Variants in MGAT4C observed in about 807,000 individuals in gnomAD.
The protein encoded by MGAT4C is alpha-1,3-mannosyl-glycoprotein 4-beta-N-acetylglucosaminyltransferase C.
MGAT4C carries 19 observed loss-of-function variants against 40.1 expected under a neutral mutation model. The observed-to-expected ratio is 0.47, with a 90% confidence interval of 0.33 to 0.70. MGAT4C has a LOEUF of 0.70. MGAT4C is among the 30% of genes least tolerant of loss of function. The pLI is 0.02. For missense variants in MGAT4C, 491 were observed against 563.2 expected (o/e 0.87, Z 1.30); for synonymous variants, 181 against 187.1 (o/e 0.97, Z 0.27).
rs574602012 is a variant in MGAT4C at position 86,505,027 on chromosome 12, T to C, written c.-228-69762A>G. On this transcript the variant is annotated intron_variant, in intron 2 of 7. Coordinates refer to the MGAT4C transcript ENST00000548651. ...AATTGCACAGAAGACCTAGCAAGTG[T>C]CACACACTCATTTCAATGTGTGGTT... 3.9e-5 allele frequency among the ~76,000 whole-genome samples: 6 copies of C among 152,286 alleles called. No homozygotes were observed. The South Asian group carries it at 1.2e-3, about 32-fold the overall frequency.
intron 1 of MGAT4C, among the ~76,000 whole-genome samples, chr12:86,132,948 A>G (rs899512179): frequency 2.6e-5 from 4 of 152,162 alleles, no homozygotes; most frequent in African/African-American, 7.2e-5. Context: ...ATATTGATGG[A>G]TTCAGTTTCT....
chr12:86,590,511 A>G (rs1375165370), intron 2 of MGAT4C, among the ~76,000 whole-genome samples: 1 of 152,006 alleles, frequency 6.6e-6, no homozygotes, highest in Non-Finnish European at 1.5e-5. Context: ...ATGGCAGTCA[A>G]TTTAATTCCA....
At chr12:86,263,985 T>C (rs1314245408) in intron 4 of MGAT4C, among the ~76,000 whole-genome samples, 1 of 152,208 alleles carries the variant, frequency 6.6e-6, no homozygotes, top group East Asian at 1.9e-4. Flanking sequence ...GAAGTGTCTA[T>C]TAATGTATTT....
chr12:86,405,379 C>A (rs1956444032), intron 3 of MGAT4C, among the ~76,000 whole-genome samples: 1 of 151,894 alleles, frequency 6.6e-6, no homozygotes, highest in Non-Finnish European at 1.5e-5. Flanking sequence ...AAATAAAATA[C>A]CACTTAGAAA....
At chr12:86,296,219 G>A (rs559461956) in intron 4 of MGAT4C, among the ~76,000 whole-genome samples, 4 of 149,552 alleles carry the variant, frequency 2.7e-5, no homozygotes, top group Non-Finnish European at 4.5e-5. Context: ...ACAGAGTGTC[G>A]ATTGGTGCAC....
chr12:86,527,640 T>A (rs567470858), intron 2 of MGAT4C, among the ~76,000 whole-genome samples: 2 of 152,370 alleles, frequency 1.3e-5, no homozygotes, highest in Non-Finnish European at 1.5e-5. Context: ...TGAATATCTT[T>A]CCATTTTTGG....
In MGAT4C at chr12:86,834,448, C is replaced by T. The variant is rs117888621; in HGVS notation, c.-262+4218G>A. 4.0e-3 allele frequency among the ~76,000 whole-genome samples: 607 copies of T among 151,878 alleles called. 1 individual carries two copies. The highest frequency in any genetic ancestry group is 0.017 in the Middle Eastern group (5 of 294). On this transcript the variant is annotated intron_variant, in intron 1 of 7. Transcript: ENST00000548651. ...AAGTAAATAACAGCAAACTCAACAT[C>T]GGGGTGGACCTGGATGTGGTGATGT... is the stretch of plus-strand genomic sequence containing the variant.
chr12:86,124,515 G>A (rs367936703), intron 1 of MGAT4C, among the ~76,000 whole-genome samples: 84 of 152,222 alleles, frequency 5.5e-4, no homozygotes, highest in African/African-American at 1.9e-3. Context: ...GGTTGGTTTG[G>A]TAAGTCCCAT....
At chr12:86,698,828 T>C (rs1410496228) in intron 2 of MGAT4C, among the ~76,000 whole-genome samples, 3 of 152,090 alleles carry the variant, frequency 2.0e-5, no homozygotes, top group African/African-American at 4.8e-5. Flanking sequence ...TCTAACAGAT[T>C]GCAGTCCCAG....
rs1187131764 is a variant in MGAT4C, at chr12:86,129,629, G to A, written c.-56-79906C>T. Among the ~76,000 whole-genome samples, 25 of 33,608 alleles carry A rather than the reference G, an allele frequency of 7.4e-4. 6 individuals carry two copies. The highest frequency in any genetic ancestry group is 5.3e-3 in the Admixed American group (12 of 2,274). The allele number at this position is 33,608 out of a possible 152,430, so 22.0% of individuals were successfully genotyped here. The stretch of plus-strand genomic sequence containing the variant: ...GGCTGGAGTGCAGTGGCGGGATCTC[G>A]GCTCACTGCAAGCTCCGCCTCCCGG... On this transcript the variant is annotated intron_variant, in intron 1 of 4. Transcript: ENST00000611864.
chr12:86,680,257 T>C (rs955346117), intron 2 of MGAT4C, among the ~76,000 whole-genome samples: 1 of 152,028 alleles, frequency 6.6e-6, no homozygotes. Flanking sequence ...TAGTAACATC[T>C]AGGTGGTTGA....
chr12:86,193,575 A>T (rs1889758095), intron 1 of MGAT4C, among the ~76,000 whole-genome samples: 2 of 151,914 alleles, frequency 1.3e-5, no homozygotes, highest in East Asian at 1.9e-4. Context: ...AATTCTCTCA[A>T]TTTTTTTGAT....
intron 2 of MGAT4C, among the ~76,000 whole-genome samples, chr12:86,489,192 T>C (rs987930543): frequency 1.3e-5 from 2 of 152,128 alleles, no homozygotes; most frequent in Admixed American, 6.6e-5. Flanking sequence ...CAGTGGCTGG[T>C]TGAGGCAACT....
intron 2 of MGAT4C, among the ~76,000 whole-genome samples, chr12:86,688,727 TGGGCTC>T (rs1420550005): frequency 1.3e-5 from 2 of 152,226 alleles, no homozygotes; most frequent in African/African-American, 4.8e-5. Flanking sequence ...GTTATTCTAA[TGGGCTC>T]CCCTTTATGG....
rs908127398 is a variant in MGAT4C at position 86,060,841 on chromosome 12, C to G, written c.-56-11118G>C. Among the ~76,000 whole-genome samples, 7 of 152,176 alleles carry G rather than the reference C, an allele frequency of 4.6e-5. No homozygotes were observed. In the South Asian group the frequency reaches 1.5e-3, roughly 32 times the overall value. On this transcript the variant is annotated intron_variant, in intron 1 of 4. Transcript: ENST00000611864. ...AAAACCCCGTGGTGGGCAGACATTTCTTGGTGCTCCTGGGGGACTGAGCTG... is the reference window on the plus strand; with the variant it reads ...AAAACCCCGTGGTGGGCAGACATTTGTTGGTGCTCCTGGGGGACTGAGCTG...
At chr12:86,765,325 A>G (rs1474601575) in intron 1 of MGAT4C, among the ~76,000 whole-genome samples, 1 of 152,186 alleles carries the variant, frequency 6.6e-6, no homozygotes, top group African/African-American at 2.4e-5. Flanking sequence ...AAAAAAGAAT[A>G]AAAAGAAATG....
At chr12:86,200,873 G>A (rs1056044312) in intron 1 of MGAT4C, among the ~76,000 whole-genome samples, 2 of 152,034 alleles carry the variant, frequency 1.3e-5, no homozygotes, top group African/African-American at 4.8e-5. Context: ...ATAAAAAGAA[G>A]ACACACCAGA....
intron 4 of MGAT4C, among the ~76,000 whole-genome samples, chr12:86,299,602 CTT>C (rs1334716602): frequency 6.6e-6 from 1 of 152,090 alleles, no homozygotes; most frequent in Non-Finnish European, 1.5e-5. Flanking sequence ...ATACAAAACA[CTT>C]TTACATTCAT....
intron 2 of MGAT4C, among the ~76,000 whole-genome samples, chr12:86,724,735 G>C (rs1451481963): frequency 6.6e-6 from 1 of 152,144 alleles, no homozygotes; most frequent in African/African-American, 2.4e-5. Context: ...TTTACTGAAA[G>C]CTTAAAAATC....
Sources: gnomAD v4.1 joint callset for allele counts (sites outside exome capture counted in the v4.1 genomes callset) on GRCh38, gnomAD v4.1.1 for gene constraint, MANE v1.5 for transcripts, NCBI Gene and HGNC (gene_info 2026-07-23, HGNC 2026-07-21) for gene names.